Variants in CCPG1 observed in about 807,000 individuals in gnomAD.
CCPG1 encodes the protein cell cycle progression 1.
In CCPG1, 46 loss-of-function variants were observed where a neutral mutation model predicts 81.3. The ratio of observed to expected loss-of-function variants is 0.57; its 90% CI spans 0.45 to 0.72. The LOEUF is 0.72. Among genes scored for constraint, CCPG1 ranks in the 30% least tolerant of loss-of-function variants. The pLI, the probability that CCPG1 is intolerant of heterozygous loss-of-function variation, is 0.00. For synonymous variants in CCPG1, 330 were observed against 305.2 expected (o/e 1.08, Z -0.85); for missense variants, 902 against 937.6 (o/e 0.96, Z 0.50).
chr15:55,372,510 A>G, intron 5 of CCPG1: 1 of 189,442 alleles, frequency 5.3e-6, no homozygotes, highest in Admixed American at 5.5e-5. Context: ...AAAATACAAA[A>G]ATTAGCCGGG....
intron 4 of CCPG1, 145 bp downstream of exon 4, chr15:55,378,154 AG>A: frequency 2.1e-6 from 1 of 467,408 alleles, no homozygotes; most frequent in South Asian, 4.2e-5. Context: ...TACTTTGCTT[AG>A]ATGTCCTCTA....
chr15:55,363,080 A>T (rs1248982303), intron 7 of CCPG1, among the ~76,000 whole-genome samples: 1 of 151,474 alleles, frequency 6.6e-6, no homozygotes, highest in African/African-American at 2.4e-5. Flanking sequence ...AGGCGCAGTG[A>T]CTCACGCCTG....
At chr15:55,379,788 A>C (rs575909860) in intron 3 of CCPG1, among the ~76,000 whole-genome samples, 1 of 152,100 alleles carries the variant, frequency 6.6e-6, no homozygotes, top group East Asian at 1.9e-4. Flanking sequence ...ATGACTTCAC[A>C]ATATATTTTT....
At position 55,373,041 on chromosome 15, in the gene CCPG1, T is replaced by A. The variant is rs778156372; in HGVS notation, c.455-997A>T. The A allele has an allele frequency of 3.7e-6, 2 of 534,460 alleles. 1 individual carries two copies. The highest frequency in any genetic ancestry group is 2.8e-5 in the South Asian group (2 of 71,496). 33.1% of individuals were successfully genotyped at this position (534,460 alleles called of 1,614,324 possible). On this transcript the variant is annotated intron_variant, in intron 5 of 8. Transcript: ENST00000442196. ...GAAGTGACACAACAGCTATCTCCGA[T>A]ATTAAGGACTATTCTGGTGCTGCTC...
chr15:55,372,964 C>T (rs1216611749), intron 5 of CCPG1: 1 of 534,624 alleles, frequency 1.9e-6, no homozygotes, highest in African/African-American at 1.9e-5. Flanking sequence ...TCGACTGCCA[C>T]TCTTACTAGA....
In CCPG1 at chr15:55,359,860, T is replaced by G. The variant is rs768393617; in HGVS notation, c.1913A>C (p.Gln638Pro). 2 of 1,613,782 alleles carry G rather than the reference T, an allele frequency of 1.2e-6. No individual in the cohort carries two copies. Among genetic ancestry groups the G allele is most frequent in the South Asian group, 1.1e-5 (1 of 91,068 alleles). ...TGTGTTAAAAAGGCTCATGGACTCT[T>G]GTTGAGCACAATCAAATACACCAGA... ...ACSGVFDCAQ[Q>P]ESMSLFNTVV... Residue 638 changes from glutamine to proline, a missense_variant, in exon 8 of 9, where the codon CAA (glutamine) becomes CCA (proline). Coordinates refer to ENST00000442196, the MANE Select transcript of CCPG1 (RefSeq NM_001204450.2).
chr15:55,404,521 G>A (rs1361010383), intron 1 of CCPG1, among the ~76,000 whole-genome samples: 1 of 152,138 alleles, frequency 6.6e-6, no homozygotes, highest in Non-Finnish European at 1.5e-5. Context: ...TATAAAACAT[G>A]GTTCTGAACG....
chr15:55,373,024 A>C (rs759658993), intron 5 of CCPG1: 10 of 534,698 alleles, frequency 1.9e-5, no homozygotes, highest in Admixed American at 7.8e-5. Context: ...AGGAAGTGAC[A>C]CAACAGCTAT....
rs536724195 is a variant in CCPG1, at chr15:55,385,980, T to C, written c.61-266A>G. Among the ~76,000 whole-genome samples the C allele has an allele frequency of 4.0e-3, 606 of 152,278 alleles. 2 individuals are homozygous for C. Among genetic ancestry groups the C allele is most frequent in the Non-Finnish European group, 5.2e-3 (352 of 68,016 alleles). ...TATTTTATGAGCTCAAGCAATAAAT[T>C]TGAATTCCAGAGAATAAGGGTCTAA... is the stretch of plus-strand genomic sequence containing the variant. On this transcript the variant is annotated intron_variant, in intron 2 of 8. Transcript: ENST00000442196.
At position 55,365,222 on chromosome 15, in the gene CCPG1, C is replaced by T; in HGVS notation, c.794G>A (p.Cys265Tyr). Residue 265 changes from cysteine (C) to tyrosine (Y), a missense_variant, in exon 7 of 9, where the codon TGT becomes TAT. Physicochemically the swap from Cys to Tyr is radical, Grantham distance 194. Coordinates refer to ENST00000442196, the MANE Select transcript of CCPG1 (RefSeq NM_001204450.2). ...LNDMKDYLSQCQQEQESFIDY... is the reference protein window; with the variant it reads ...LNDMKDYLSQYQQEQESFIDY... ...TATAAAAGATTCTTGTTCCTGTTGACACTGGGAAAGATAATCCTTCATATC... is the reference window on the plus strand; with the variant it reads ...TATAAAAGATTCTTGTTCCTGTTGATACTGGGAAAGATAATCCTTCATATC... 6.7e-7 allele frequency: 1 copy of T among 1,492,394 alleles called. No individual in the cohort carries two copies. The highest frequency in any genetic ancestry group is 9.3e-7 in the Non-Finnish European group (1 of 1,078,684). 92.4% of individuals were successfully genotyped at this position (1,492,394 alleles called of 1,614,324 possible). A position where few individuals can be genotyped will look rare whatever the true frequency, so the allele number is the denominator to read the frequency against.
intron 1 of CCPG1, among the ~76,000 whole-genome samples, chr15:55,405,061 C>T (rs2057191632): frequency 6.6e-6 from 1 of 151,944 alleles, no homozygotes; most frequent in Non-Finnish European, 1.5e-5. Flanking sequence ...CCAGTCTCTA[C>T]TAAAAATACA....
intron 6 of CCPG1, among the ~76,000 whole-genome samples, chr15:55,368,784 G>C (rs1160396406): frequency 6.6e-6 from 1 of 152,196 alleles, no homozygotes; most frequent in Non-Finnish European, 1.5e-5. Context: ...GGCAAACGCA[G>C]AATGATTCAA....
chr15:55,396,326 C>G (rs553060264), intron 1 of CCPG1, among the ~76,000 whole-genome samples: 1 of 152,018 alleles, frequency 6.6e-6, no homozygotes, highest in Non-Finnish European at 1.5e-5. Context: ...AGAAATCATA[C>G]GGTTATAAAA....
intron 7 of CCPG1, among the ~76,000 whole-genome samples, chr15:55,362,338 AAG>A (rs1491062837): frequency 1.3e-5 from 2 of 151,160 alleles, no homozygotes; most frequent in African/African-American, 4.8e-5. Flanking sequence ...AAAAAAAAAA[AAG>A]GAAAAAAAAA....
intron 2 of CCPG1, among the ~76,000 whole-genome samples, chr15:55,387,880 G>C (rs989273180): frequency 1.4e-5 from 2 of 145,480 alleles, no homozygotes; most frequent in African/African-American, 5.0e-5. Context: ...GGCCGGGCAC[G>C]GTGGCTCACG....
rs2056178057 is a variant in CCPG1, at chr15:55,360,850, T to C, written c.923A>G (p.Gln308Arg). ...CTTCTCCAAGGATACTCTTAAATAC[T>C]GATTTTCTGTAGCAAGGTTCGTTTT... The part of the protein sequence containing the change: ...TQKTNLATEN[Q>R]YLRVSLEKEE... The change falls in exon 8 of 9, where the codon CAG becomes CGG. Residue 308 changes from glutamine to arginine, a missense_variant. By Grantham distance (43) the Gln-to-Arg change is conservative. Around this residue, in one of 3 missense-constraint regions of CCPG1, gnomAD observed 746 missense variants for 728.6 expected, o/e 1.02. Transcript: ENST00000442196. 6.2e-7 allele frequency: 1 copy of C among 1,609,516 alleles called. No homozygotes were observed. The highest frequency in any genetic ancestry group is 8.5e-7 in the Non-Finnish European group (1 of 1,178,792).
In CCPG1 at chr15:55,385,664, C is replaced by G. The variant is rs766310591; in HGVS notation, c.111G>C (p.Glu37Asp). Residue 37 changes from glutamate (E) to aspartate (D), a missense_variant, in exon 3 of 9, where the codon GAG becomes GAC. Transcript: ENST00000442196. Reference sequence around the variant, plus strand: ...CTAAAGATGAACATTCTGGGGCGGGCTCACAGCTGTCAGTGGGGGTCACAG... The same window carrying G: ...CTAAAGATGAACATTCTGGGGCGGGGTCACAGCTGTCAGTGGGGGTCACAG... The part of the protein sequence containing the change: ...LNSVTPTDSC[E>D]PAPECSSLEQ... 1.2e-6 allele frequency: 2 copies of G among 1,612,632 alleles called. No individual in the cohort carries two copies. Among genetic ancestry groups the G allele is most frequent in the African/African-American group, 2.7e-5 (2 of 74,828 alleles).
chr15:55,389,068 C>CA lies in CCPG1; in HGVS notation c.60+296dup, dbSNP rs373917631. Among the ~76,000 whole-genome samples the CA allele has an allele frequency of 8.3e-3, 465 of 56,054 alleles. 17 individuals carry two copies. The highest frequency in any genetic ancestry group is 0.026 in the East Asian group (45 of 1,754). 36.8% of individuals were successfully genotyped at this position (56,054 alleles called of 152,430 possible). On this transcript the variant is annotated intron_variant, in intron 2 of 8. Coordinates refer to ENST00000442196, the MANE Select transcript of CCPG1 (RefSeq NM_001204450.2). Reference sequence around the variant, plus strand: ...TGGGCAACAGAGTGAGACTCTGTCTCAAAAAAAAAAAAAAAAAAAAAGACA... The same window carrying CA: ...TGGGCAACAGAGTGAGACTCTGTCTCAAAAAAAAAAAAAAAAAAAAAAGACA...
intron 3 of CCPG1, among the ~76,000 whole-genome samples, chr15:55,383,445 A>G (rs1217061110): frequency 6.6e-6 from 1 of 152,204 alleles, no homozygotes; most frequent in Non-Finnish European, 1.5e-5. Flanking sequence ...GCTTCAACTT[A>G]AAGTCACCAG....
Sources: gnomAD v4.1 joint callset for allele counts (sites outside exome capture counted in the v4.1 genomes callset) on GRCh38, gnomAD v4.1.1 for gene constraint, gnomAD v4.1.1 regional missense constraint, MANE v1.5 for transcripts, NCBI Gene and HGNC (gene_info 2026-07-23, HGNC 2026-07-21) for gene names.